Variants in TNS1 observed in about 807,000 individuals in gnomAD.
The protein encoded by TNS1 is tensin 1.
A neutral mutation model predicts 168.6 loss-of-function variants in TNS1; 62 were observed. The observed-to-expected ratio is 0.37, with a 90% CI of 0.30 to 0.45. The LOEUF (loss-of-function observed/expected upper bound fraction) is 0.45. Ranked by LOEUF, TNS1 falls within the 20% of genes least tolerant of loss-of-function variation. The pLI is 1.00. For synonymous variants in TNS1, 934 were observed against 933.2 expected (o/e 1.00, Z -0.02); for missense variants, 2,240 against 2,339.4 (o/e 0.96, Z 0.88).
At chr2:217,922,411 C>G (rs1487483290) in intron 3 of TNS1, among the ~76,000 whole-genome samples, 1 of 152,148 alleles carries the variant, frequency 6.6e-6, no homozygotes, top group South Asian at 2.1e-4. Flanking sequence ...CAGGACAGCA[C>G]CCTTGCTGTG....
At chr2:217,905,843 T>C (rs1480540947) in intron 6 of TNS1, among the ~76,000 whole-genome samples, 2 of 152,172 alleles carry the variant, frequency 1.3e-5, no homozygotes, top group East Asian at 1.9e-4. Context: ...GAGGAGCCCA[T>C]GGGGACCCGT....
chr2:217,855,052 C>T (rs1947961136), intron 18 of TNS1, among the ~76,000 whole-genome samples: 1 of 152,206 alleles, frequency 6.6e-6, no homozygotes, highest in Non-Finnish European at 1.5e-5. Context: ...TAAGCTAGAC[C>T]TGGCATATCC....
At chr2:217,837,857 G>A (rs1174879408) in intron 19 of TNS1, among the ~76,000 whole-genome samples, 5 of 152,246 alleles carry the variant, frequency 3.3e-5, no homozygotes, top group Admixed American at 6.5e-5. Flanking sequence ...AAAGAAGGGC[G>A]TGGTTTTGGG....
intron 4 of TNS1, among the ~76,000 whole-genome samples, chr2:217,909,037 G>A (rs1444347554): frequency 6.6e-6 from 1 of 151,944 alleles, no homozygotes; most frequent in African/African-American, 2.4e-5. Context: ...AGGACCAGGT[G>A]CTCCCCTCAG....
rs1957004357 is a variant in TNS1, at chr2:217,943,239, C to T, written c.187-23003G>A. On this transcript the variant is annotated intron_variant, in intron 3 of 32. Transcript: ENST00000682258. ...CAGTCTGTGCCCATGGGCAAGGGAG[C>T]AGGGCCCACACTGAGGAGTGGAGAT... is the stretch of plus-strand genomic sequence containing the variant. Among the ~76,000 whole-genome samples the T allele has an allele frequency of 2.6e-5, 4 of 152,298 alleles. No individual in the cohort carries two copies. The South Asian group carries it at 8.3e-4, about 32-fold the overall frequency.
At chr2:217,893,972 C>G (rs749969827) in intron 9 of TNS1, among the ~76,000 whole-genome samples, 1 of 152,198 alleles carries the variant, frequency 6.6e-6, no homozygotes, top group Non-Finnish European at 1.5e-5. Flanking sequence ...TCTTCTCCTA[C>G]GGACAGCCCT....
At chr2:217,972,321 G>A (rs1028559932) in intron 3 of TNS1, among the ~76,000 whole-genome samples, 9 of 152,212 alleles carry the variant, frequency 5.9e-5, no homozygotes, top group East Asian at 1.9e-4. Flanking sequence ...CAGAGCCATC[G>A]ATGGTCCTGG....
chr2:217,984,532 A>G (rs1435891485), intron 2 of TNS1, among the ~76,000 whole-genome samples: 2 of 152,026 alleles, frequency 1.3e-5, no homozygotes, highest in African/African-American at 4.8e-5. Flanking sequence ...CTGTCACTCA[A>G]GCTGGAGTGC....
At position 217,848,097 on chromosome 2, in the gene TNS1, G is replaced by T; in HGVS notation, c.2420C>A (p.Pro807His). ...GATGGGGGTCTCTGCCAATGGCTGA[G>T]GGCTGGGCCTGCTGGCTACAAGACT... is the stretch of plus-strand genomic sequence containing the variant. ...LESLVASRPS[P>H]QPLAETPIPS... Residue 807 changes from proline (P) to histidine (H), a missense_variant, in exon 19 of 33, where the codon CCT becomes CAT. This residue lies in a region of TNS1 where 2,131 missense variants were observed against 2,171.2 expected (regional missense o/e 0.98). Transcript: ENST00000682258. 6.4e-7 allele frequency: 1 copy of T among 1,565,972 alleles called. No individual in the cohort carries two copies. The highest frequency in any genetic ancestry group is 1.2e-5 in the South Asian group (1 of 82,458).
intron 16 of TNS1, among the ~76,000 whole-genome samples, chr2:217,882,720 AT>A (rs1460901577): frequency 6.6e-6 from 1 of 152,018 alleles, no homozygotes; most frequent in Non-Finnish European, 1.5e-5. Context: ...TTATGCCACT[AT>A]TTCTAGATCC....
intron 3 of TNS1, among the ~76,000 whole-genome samples, chr2:217,923,858 G>A (rs1955865547): frequency 6.6e-6 from 1 of 152,178 alleles, no homozygotes; most frequent in African/African-American, 2.4e-5. Context: ...AGGTGAGCAT[G>A]GTAGCCTCCC....
Position 217,804,272 on chromosome 2 carries a change from C to G in TNS1, c.*187G>C, listed in dbSNP as rs1937974353. On this transcript the variant is annotated 3_prime_UTR_variant, in exon 33 of 33. Transcript: ENST00000682258. ...CCTCCATCTTTCTCTCTCTCTCTCT[C>G]TCTCTCTCTCTCTCTCTTTTCCCCC... 9.4e-6 allele frequency: 6 copies of G among 640,846 alleles called. No individual in the cohort carries two copies. The South Asian group carries it at 1.2e-4, about 13-fold the overall frequency. 39.7% of individuals were successfully genotyped at this position (640,846 alleles called of 1,614,324 possible). A position where few individuals can be genotyped will look rare whatever the true frequency, so the allele number is the denominator to read the frequency against.
chr2:217,862,509 G>T (rs1018693051), intron 18 of TNS1, among the ~76,000 whole-genome samples: 4 of 152,196 alleles, frequency 2.6e-5, no homozygotes, highest in Non-Finnish European at 5.9e-5. Context: ...AAACTTCTCA[G>T]GTGCCAAGGA....
chr2:217,806,048 C>T (rs2552520), intron 32 of TNS1, among the ~76,000 whole-genome samples: 98,917 of 152,086 alleles, frequency 0.65, 32,901 homozygotes, highest in African/African-American at 0.79. Flanking sequence ...CTCCCTTTCC[C>T]AGCTGGCTCA....
intron 1 of TNS1, among the ~76,000 whole-genome samples, chr2:218,029,821 T>C (rs1236604221): frequency 1.3e-5 from 2 of 152,214 alleles, no homozygotes; most frequent in Admixed American, 1.3e-4. Context: ...TTCTAGACTC[T>C]GCATGCCAAG....
chr2:217,885,882 T>A (rs1029710185), intron 14 of TNS1, 63 bp from the exon 15 acceptor site: 3 of 1,567,532 alleles, frequency 1.9e-6, no homozygotes, highest in Non-Finnish European at 1.8e-6. Context: ...GGAGGGGCAT[T>A]TTCTCCCTGC....
At position 217,801,864 on chromosome 2, in the gene TNS1, G is replaced by A. The variant is rs1937522458; in HGVS notation, c.*2595C>T. Reference sequence around the variant, plus strand: ...ACTCCTTCCGCAGGGATGCTGGGAGGGAGTTACCAGCTTTCTGGCATGAAT... The same window carrying A: ...ACTCCTTCCGCAGGGATGCTGGGAGAGAGTTACCAGCTTTCTGGCATGAAT... On this transcript the variant is annotated 3_prime_UTR_variant, in exon 33 of 33. Transcript: ENST00000682258. The A allele has an allele frequency of 6.6e-6, 1 of 152,214 alleles. No individual in the cohort carries two copies. The highest frequency in any genetic ancestry group is 1.5e-5 in the Non-Finnish European group (1 of 68,050). 9.4% of individuals were successfully genotyped at this position (152,214 alleles called of 1,614,324 possible).
chr2:217,818,900 T>C (rs1942376330), intron 23 of TNS1, 141 bp from the exon 24 acceptor site: 1 of 686,066 alleles, frequency 1.5e-6, no homozygotes, highest in Non-Finnish European at 2.4e-6. Context: ...ATCAGGGTTT[T>C]ATACGTTACC....
In TNS1 at chr2:217,830,307, G is replaced by A. The variant is rs374285796; in HGVS notation, c.3373+1148C>T. On this transcript the variant is annotated intron_variant, in intron 22 of 32. Coordinates refer to ENST00000682258, the MANE Select transcript of TNS1 (RefSeq NM_001387777.1). ...CCTGGCCATGCCGACACTCTGAGTG[G>A]GAGGCTATGCCCAGCTGCGTGGCTT... is the stretch of plus-strand genomic sequence containing the variant. 4,151 of 1,608,692 alleles carry A rather than the reference G, an allele frequency of 2.6e-3. 16 individuals carry two copies. The highest frequency in any genetic ancestry group is 0.013 in the Middle Eastern group (80 of 6,028).
Sources: gnomAD v4.1 joint callset for allele counts (sites outside exome capture counted in the v4.1 genomes callset) on GRCh38, gnomAD v4.1.1 for gene constraint, gnomAD v4.1.1 regional missense constraint, MANE v1.5 for transcripts, NCBI Gene and HGNC (gene_info 2026-07-23, HGNC 2026-07-21) for gene names.